ZMYM1: variants seen among roughly 807,000 people sequenced by gnomAD.
The protein encoded by ZMYM1 is zinc finger MYM-type protein 1.
A neutral mutation model predicts 60.0 loss-of-function variants in ZMYM1; 39 were observed. That is an observed-to-expected ratio of 0.65 (90% CI 0.50 to 0.85). The LOEUF (loss-of-function observed/expected upper bound fraction) is 0.85. Among genes scored for constraint, ZMYM1 ranks in the 40% least tolerant of loss-of-function variants. The pLI, the probability that ZMYM1 is intolerant of heterozygous loss-of-function variation, is 0.00. For missense variants in ZMYM1, 1,171 were observed against 1,309.5 expected, an observed-to-expected ratio of 0.89 and a Z score of 1.63; for synonymous variants, 413 against 454.0, an observed-to-expected ratio of 0.91 and a Z score of 1.15.
rs185757767 is a variant in ZMYM1 at position 35,099,686 on chromosome 1, T to A, written c.419+2120T>A. On this transcript the variant is annotated intron_variant, in intron 4 of 9. Coordinates refer to ENST00000359858, the MANE Select transcript of ZMYM1 (RefSeq NM_024772.5). ...TTTAGCTATTCTTCTGGGGTTTTTT[T>A]ATCTTCCAGTGAAACTATCCTGAAC... is the stretch of plus-strand genomic sequence containing the variant. 3.9e-5 allele frequency among the ~76,000 whole-genome samples: 6 copies of A among 152,312 alleles called. No homozygotes were observed. The East Asian group carries it at 5.8e-4, about 15-fold the overall frequency.
intron 7 of ZMYM1, among the ~76,000 whole-genome samples, chr1:35,111,095 G>C (rs897329868): frequency 9.2e-5 from 14 of 152,090 alleles, no homozygotes; most frequent in Non-Finnish European, 2.1e-4. Flanking sequence ...TTACAAGACT[G>C]CTTTTATTAG....
chr1:35,084,167 A>G (rs1440449920), intron 1 of ZMYM1, among the ~76,000 whole-genome samples: 1 of 147,872 alleles, frequency 6.8e-6, no homozygotes, highest in East Asian at 2.0e-4. Flanking sequence ...CCAATTCTAG[A>G]TTTTCCATTT....
intron 1 of ZMYM1, among the ~76,000 whole-genome samples, chr1:35,061,644 C>T (rs997645492): frequency 1.1e-4 from 16 of 151,362 alleles, no homozygotes; most frequent in Non-Finnish European, 1.8e-4. Flanking sequence ...GGCATGGTGG[C>T]AGGCGCCTGT....
At chr1:35,062,398 A>G (rs936241568) in intron 1 of ZMYM1, among the ~76,000 whole-genome samples, 6 of 152,236 alleles carry the variant, frequency 3.9e-5, no homozygotes, top group African/African-American at 9.6e-5. Context: ...CTACCCTCCA[A>G]CCTAGCTTTT....
At chr1:35,073,353 G>GGAAGGAAGGAAA (rs1642106282) in intron 1 of ZMYM1, among the ~76,000 whole-genome samples, 1 of 145,180 alleles carries the variant, frequency 6.9e-6, no homozygotes, top group Non-Finnish European at 1.5e-5. Context: ...AAGGAAGGAA[G>GGAAGGAAGGAAA]GAAGGAAGGA....
At chr1:35,097,016 G>T (rs552298882) in intron 3 of ZMYM1, among the ~76,000 whole-genome samples, 1 of 152,180 alleles carries the variant, frequency 6.6e-6, no homozygotes, top group Admixed American at 6.5e-5. Flanking sequence ...ATTGAGATGG[G>T]GTTTCACCAT....
chr1:35,070,860 T>C (rs1557624114), intron 1 of ZMYM1, among the ~76,000 whole-genome samples: 1 of 152,032 alleles, frequency 6.6e-6, no homozygotes, highest in African/African-American at 2.4e-5. Context: ...ATCCTTTTTC[T>C]GCATATATTG....
intron 1 of ZMYM1, among the ~76,000 whole-genome samples, chr1:35,066,755 C>T (rs1641979821): frequency 6.6e-6 from 1 of 152,048 alleles, no homozygotes; most frequent in Non-Finnish European, 1.5e-5. Context: ...ACCTGTTGCA[C>T]CTATAGTTCC....
intron 6 of ZMYM1, among the ~76,000 whole-genome samples, chr1:35,107,470 GAAA>G (rs1324993843): frequency 7.7e-6 from 1 of 129,056 alleles, no homozygotes; most frequent in African/African-American, 2.8e-5. Context: ...CTCTGTCTCA[GAAA>G]AAAAAAAAAA....
chr1:35,109,746 CTTT>C (rs879736798), intron 6 of ZMYM1, among the ~76,000 whole-genome samples: 1 of 144,832 alleles, frequency 6.9e-6, no homozygotes, highest in Non-Finnish European at 1.5e-5. Context: ...TTCTTCATTG[CTTT>C]TTTTTTTTTC....
At chr1:35,074,768 C>A (rs1253137759), upstream of ZMYM1, among the ~76,000 whole-genome samples, 2 of 152,014 alleles carry the variant, frequency 1.3e-5, no homozygotes, top group Non-Finnish European at 2.9e-5. Flanking sequence ...GTTGAAGTCC[C>A]GTACTGTTAT....
chr1:35,107,304 C>CAAA (rs1161051800), intron 6 of ZMYM1, among the ~76,000 whole-genome samples: 41 of 109,792 alleles, frequency 3.7e-4, no homozygotes, highest in African/African-American at 1.3e-3. Context: ...ACTAAAAATA[C>CAAA]AAAAAAAAAA....
intron 6 of ZMYM1, among the ~76,000 whole-genome samples, 168 bp from the exon 7 acceptor site, chr1:35,110,126 A>G (rs961108106): frequency 3.0e-4 from 46 of 152,326 alleles, no homozygotes; most frequent in African/African-American, 7.2e-4. Context: ...AGATTTGCCA[A>G]TATTCTTTTA....
intron 1 of ZMYM1, among the ~76,000 whole-genome samples, chr1:35,082,098 CT>C (rs1343885124): frequency 3.3e-5 from 5 of 152,260 alleles, no homozygotes; most frequent in African/African-American, 1.2e-4. Context: ...TTTTAACTGC[CT>C]TTTCAAAGTT....
chr1:35,116,378 A>C (rs1457995048), downstream of ZMYM1, among the ~76,000 whole-genome samples: 1 of 152,216 alleles, frequency 6.6e-6, no homozygotes, highest in East Asian at 1.9e-4. Context: ...TGGCACAATA[A>C]ATTATTAAGC....
intron 1 of ZMYM1, among the ~76,000 whole-genome samples, chr1:35,092,620 CCTTT>C (rs2148512237): frequency 6.9e-6 from 1 of 144,984 alleles, no homozygotes; most frequent in Non-Finnish European, 1.5e-5. Flanking sequence ...TTCTTTCTTT[CCTTT>C]CTTTTCCTTT....
Position 35,111,873 on chromosome 1 carries a change from G to A in ZMYM1, c.1063G>A (p.Asp355Asn), listed in dbSNP as rs778901777. Reference sequence around the variant, plus strand: ...CAATATAGTGTCATTGGCAGACACCGATGTTGCCTTGCCCATCATGAACAC... The same window carrying A: ...CAATATAGTGTCATTGGCAGACACCAATGTTGCCTTGCCCATCATGAACAC... The part of the protein sequence containing the change: ...ISNIVSLADT[D>N]VALPIMNTDV... Residue 355 changes from aspartate (D) to asparagine (N), a missense_variant, in exon 8 of 10, where the codon GAT (aspartate) becomes AAT (asparagine). Physicochemically the swap from Asp to Asn is conservative, Grantham distance 23 (BLOSUM62 1). Transcript: ENST00000359858. The A allele has an allele frequency of 4.1e-5, 65 of 1,603,136 alleles. No individual in the cohort carries two copies. Among genetic ancestry groups the A allele is most frequent in the East Asian group, 1.8e-4 (8 of 44,574 alleles).
intron 6 of ZMYM1, among the ~76,000 whole-genome samples, chr1:35,105,443 A>G (rs963545787): frequency 2.9e-5 from 4 of 136,490 alleles, no homozygotes; most frequent in Non-Finnish European, 4.8e-5. Flanking sequence ...GACCTTATTT[A>G]TTTTTTTTGA....
intron 1 of ZMYM1, among the ~76,000 whole-genome samples, chr1:35,062,712 G>A (rs1641898016): frequency 6.6e-6 from 1 of 152,148 alleles, no homozygotes; most frequent in Admixed American, 6.5e-5. Context: ...GTTACTTTAA[G>A]CCAAAAAGGG....
Sources: gnomAD v4.1 joint callset for allele counts (sites outside exome capture counted in the v4.1 genomes callset) on GRCh38, gnomAD v4.1.1 for gene constraint, MANE v1.5 for transcripts, NCBI Gene and HGNC (gene_info 2026-07-23, HGNC 2026-07-21) for gene names.